The following CNTN5 variants were observed in gnomAD, a reference collection of about 807,000 sequenced individuals.
CNTN5 encodes contactin 5.
Under a neutral mutation model 129.1 loss-of-function variants are expected in CNTN5, and 77 were observed. The observed-to-expected ratio is 0.60, with a 90% CI of 0.50 to 0.72. The LOEUF (loss-of-function observed/expected upper bound fraction) is 0.72, where lower values mean the gene tolerates loss of function less well. Among genes scored for constraint, CNTN5 ranks in the 30% least tolerant of loss-of-function variants. The pLI is 0.00. For synonymous variants in CNTN5, 509 were observed against 465.6 expected (o/e 1.09, Z -1.20); for missense variants, 1,478 against 1,328.8 (o/e 1.11, Z -1.75).
At chr11:99,416,465 G>A (rs1255672300) in intron 2 of CNTN5, among the ~76,000 whole-genome samples, 1 of 151,884 alleles carries the variant, frequency 6.6e-6, no homozygotes, top group Non-Finnish European at 1.5e-5. Flanking sequence ...TTATTTTCAT[G>A]TTGGTGAGAT....
intron 2 of CNTN5, among the ~76,000 whole-genome samples, chr11:99,350,476 A>G (rs1938218662): frequency 6.6e-6 from 1 of 152,206 alleles, no homozygotes; most frequent in South Asian, 2.1e-4. Flanking sequence ...CAAGAATTAT[A>G]AAACATATGT....
chr11:100,151,052 G>A (rs1336710879), intron 13 of CNTN5, among the ~76,000 whole-genome samples: 1 of 152,016 alleles, frequency 6.6e-6, no homozygotes, highest in Admixed American at 6.6e-5. Flanking sequence ...TGGCACCTTG[G>A]TCTTAGATTT....
At chr11:99,290,930 T>A (rs1262100446) in intron 1 of CNTN5, among the ~76,000 whole-genome samples, 3 of 151,912 alleles carry the variant, frequency 2.0e-5, no homozygotes, top group Non-Finnish European at 4.4e-5. Context: ...ATAGCATAAC[T>A]GTACTGTACT....
chr11:100,122,918 C>T (rs1946074787), intron 13 of CNTN5, among the ~76,000 whole-genome samples: 1 of 152,030 alleles, frequency 6.6e-6, no homozygotes, highest in Admixed American at 6.6e-5. Context: ...GAGATCAGTT[C>T]AGAGGCTTTT....
At chr11:100,229,179 G>A (rs538342032) in intron 16 of CNTN5, among the ~76,000 whole-genome samples, 1 of 149,436 alleles carries the variant, frequency 6.7e-6, no homozygotes, top group Non-Finnish European at 1.5e-5. Flanking sequence ...GCCTACATCA[G>A]CAGTTTATTA....
intron 6 of CNTN5, among the ~76,000 whole-genome samples, chr11:99,897,125 T>TA (rs1565651841): frequency 6.6e-6 from 1 of 152,066 alleles, no homozygotes. Flanking sequence ...GAAAAAAATT[T>TA]AAAAAACAAA....
At chr11:100,200,014 T>TA (rs1948740208) in intron 15 of CNTN5, among the ~76,000 whole-genome samples, 2 of 151,984 alleles carry the variant, frequency 1.3e-5, no homozygotes, top group South Asian at 4.1e-4. Context: ...AAAATTCTGT[T>TA]AAAATCTGTT....
intron 23 of CNTN5, among the ~76,000 whole-genome samples, chr11:100,342,118 C>T (rs983248896): frequency 1.3e-5 from 2 of 148,864 alleles, no homozygotes; most frequent in African/African-American, 2.5e-5. Flanking sequence ...CACAAACTAG[C>T]ATTTGTTACC....
At chr11:100,248,654 T>C (rs889495793) in intron 16 of CNTN5, among the ~76,000 whole-genome samples, 2 of 152,148 alleles carry the variant, frequency 1.3e-5, no homozygotes, top group Non-Finnish European at 2.9e-5. Flanking sequence ...ACAATAGGTG[T>C]ATTTGTTGAA....
intron 1 of CNTN5, among the ~76,000 whole-genome samples, chr11:99,324,960 A>T (rs1865721344): frequency 6.6e-6 from 1 of 152,156 alleles, no homozygotes; most frequent in South Asian, 2.1e-4. Flanking sequence ...TAAATAAAAT[A>T]AATAATAAAT....
chr11:99,677,479 C>T (rs756370231), intron 3 of CNTN5, among the ~76,000 whole-genome samples: 36 of 152,126 alleles, frequency 2.4e-4, no homozygotes, highest in Non-Finnish European at 5.0e-4. Flanking sequence ...GCATTTATCT[C>T]TTAGTTAATA....
At chr11:99,451,176 T>G (rs2135192313) in intron 2 of CNTN5, among the ~76,000 whole-genome samples, 1 of 152,154 alleles carries the variant, frequency 6.6e-6, no homozygotes, top group Middle Eastern at 3.4e-3. Flanking sequence ...GATGGAAAAT[T>G]TTAAAATTAG....
intron 1 of CNTN5, among the ~76,000 whole-genome samples, chr11:99,164,690 T>C (rs1046415966): frequency 6.6e-6 from 1 of 152,198 alleles, no homozygotes; most frequent in African/African-American, 2.4e-5. Flanking sequence ...TCCCTGATAA[T>C]TTTATAAATA....
intron 2 of CNTN5, among the ~76,000 whole-genome samples, chr11:99,524,358 A>G (rs1217483981): frequency 2.0e-5 from 3 of 152,154 alleles, no homozygotes; most frequent in Non-Finnish European, 4.4e-5. Context: ...CTTATTCAAC[A>G]TTTTATATCT....
At chr11:100,194,786 T>C (rs1183612065) in intron 15 of CNTN5, among the ~76,000 whole-genome samples, 1 of 151,994 alleles carries the variant, frequency 6.6e-6, no homozygotes, top group African/African-American at 2.4e-5. Context: ...ACCTTAGAAT[T>C]TGGTAAATGT....
At chr11:100,120,963 G>T (rs188467836) in intron 13 of CNTN5, among the ~76,000 whole-genome samples, 1 of 151,468 alleles carries the variant, frequency 6.6e-6, no homozygotes, top group African/African-American at 2.4e-5. Flanking sequence ...GTACTGTAGG[G>T]GTGAAAGTAA....
intron 3 of CNTN5, among the ~76,000 whole-genome samples, chr11:99,575,815 C>G (rs1012732661): frequency 1.3e-5 from 2 of 152,108 alleles, no homozygotes; most frequent in Non-Finnish European, 2.9e-5. Flanking sequence ...GGAAGGTAGT[C>G]TCCCCAGGGG....
intron 13 of CNTN5, among the ~76,000 whole-genome samples, chr11:100,163,542 T>C (rs1388861247): frequency 6.6e-6 from 1 of 151,862 alleles, no homozygotes; most frequent in Non-Finnish European, 1.5e-5. Context: ...TGGAAGTCAA[T>C]AAATACAGTA....
At chr11:100,345,736 G>C (rs191542410) in intron 23 of CNTN5, among the ~76,000 whole-genome samples, 3 of 152,210 alleles carry the variant, frequency 2.0e-5, no homozygotes, top group East Asian at 3.9e-4. Context: ...GCAGTACCTA[G>C]TGGTGAAACT....
Sources: allele counts gnomAD v4.1 joint callset (sites outside exome capture counted in the v4.1 genomes callset), GRCh38; gene constraint gnomAD v4.1.1; transcripts MANE v1.5; gene names NCBI Gene and HGNC (gene_info 2026-07-23, HGNC 2026-07-21).